Variants in GALM observed in about 807,000 individuals in gnomAD.
The protein encoded by GALM is aldose 1-epimerase.
In GALM, 43 loss-of-function variants were observed where a neutral mutation model predicts 37.4. The observed-to-expected ratio is 1.15, with a 90% CI of 0.90 to 1.48. GALM has a LOEUF of 1.48. Ranked by LOEUF, GALM falls within the 40% of genes most tolerant of loss-of-function variation. The pLI, the probability that GALM is intolerant of heterozygous loss-of-function variation, is 0.00. For synonymous variants in GALM, 199 were observed against 170.6 expected, an observed-to-expected ratio of 1.17 and a Z score of -1.30; for missense variants, 456 against 419.1, an observed-to-expected ratio of 1.09 and a Z score of -0.77.
chr2:38,684,887 G>A (rs12469534), intron 3 of GALM, among the ~76,000 whole-genome samples: 10,712 of 152,114 alleles, frequency 0.07, 564 homozygotes, highest in South Asian at 0.22. Context: ...GGGGGAATTC[G>A]AGATGAAAAG....
Position 38,729,558 on chromosome 2 carries a change from G to C in GALM, c.637G>C (p.Glu213Gln). 6.2e-7 allele frequency: 1 copy of C among 1,612,976 alleles called. No homozygotes were observed. The highest frequency in any genetic ancestry group is 8.5e-7 in the Non-Finnish European group (1 of 1,179,460). ...PVDETLIPTG[E>Q]VAPVQGTAFD... ...TGTTTTCTGTCTCTTCCCATCAGGA[G>C]AAGTTGCCCCAGTGCAAGGCACTGC... Residue 213 changes from glutamate (E) to glutamine (Q), a missense_variant and splice_region_variant, in exon 5 of 7, where the codon GAA becomes CAA. Glu to Gln is a conservative substitution (Grantham distance 29, BLOSUM62 2). Coordinates refer to ENST00000272252, the MANE Select transcript of GALM (RefSeq NM_138801.3).
chr2:38,667,696 G>C (rs1664983788), intron 1 of GALM, among the ~76,000 whole-genome samples: 1 of 151,908 alleles, frequency 6.6e-6, no homozygotes, highest in South Asian at 2.1e-4. Flanking sequence ...ATGTTGGCCA[G>C]GCTGCTGGCG....
At chr2:38,682,342 C>A in intron 3 of GALM, 1 of 420,964 alleles carries the variant, frequency 2.4e-6, no homozygotes, top group Non-Finnish European at 4.9e-6. Context: ...ATCTGAAGAA[C>A]TCATCATTGT....
At chr2:38,728,974 T>G (rs1192800367) in intron 4 of GALM, among the ~76,000 whole-genome samples, 4 of 152,230 alleles carry the variant, frequency 2.6e-5, no homozygotes, top group Non-Finnish European at 5.9e-5. Context: ...AGAACAACTC[T>G]GGCTTTTATG....
chr2:38,712,825 G>A (rs943555672), intron 4 of GALM, among the ~76,000 whole-genome samples: 8 of 152,150 alleles, frequency 5.3e-5, no homozygotes, highest in South Asian at 2.1e-4. Flanking sequence ...TATTTGGGGC[G>A]ATGTGCAAGC....
chr2:38,698,965 G>T (rs895509161), intron 4 of GALM, among the ~76,000 whole-genome samples: 1 of 151,576 alleles, frequency 6.6e-6, no homozygotes, highest in Admixed American at 6.6e-5. Context: ...CTAGGCTGGC[G>T]TGCAATGGCA....
intron 4 of GALM, among the ~76,000 whole-genome samples, chr2:38,703,093 T>G (rs1558588745): frequency 1.0e-3 from 7 of 6,704 alleles, no homozygotes; most frequent in African/African-American, 4.5e-3. Context: ...TATATATATA[T>G]TTTTTTTTTT....
At chr2:38,681,169 A>T (rs1055874127) in intron 2 of GALM, 111 bp from the exon 3 acceptor site, 9 of 895,734 alleles carry the variant, frequency 1.0e-5, no homozygotes, top group Non-Finnish European at 1.5e-5. Flanking sequence ...AAAAGTCTTA[A>T]TTGATTGTAT....
At chr2:38,695,297 CAAAAT>C (rs940115039) in intron 4 of GALM, among the ~76,000 whole-genome samples, 6 of 151,746 alleles carry the variant, frequency 4.0e-5, no homozygotes, top group African/African-American at 1.5e-4. Context: ...AGCCCAGTCT[CAAAAT>C]AAATAAATTA....
rs764696966 is a variant in GALM at position 38,729,633 on chromosome 2, C to CA, written c.713dup (p.His238GlnfsTer6). 3.1e-6 allele frequency: 5 copies of CA among 1,613,374 alleles called. No individual in the cohort carries two copies. Among genetic ancestry groups the CA allele is most frequent in the East Asian group, 2.2e-5 (1 of 44,850 alleles). The stretch of plus-strand genomic sequence containing the variant: ...GCTTGGAAAACACCTGCAGGACTTC[C>CA]ATCTCAATGGTTTTGACCACAATTT... On this transcript the variant is annotated frameshift_variant, in exon 5 of 7. Transcript: ENST00000272252. LOFTEE classifies it high-confidence loss of function.
chr2:38,732,783 G>A (rs564471757), intron 6 of GALM, among the ~76,000 whole-genome samples: 3 of 152,110 alleles, frequency 2.0e-5, no homozygotes, highest in East Asian at 3.9e-4. Flanking sequence ...AGCCAGGTGT[G>A]GTAGTGCACA....
At chr2:38,688,541 AT>A (rs1290351175) in intron 3 of GALM, among the ~76,000 whole-genome samples, 1 of 152,030 alleles carries the variant, frequency 6.6e-6, no homozygotes, top group Non-Finnish European at 1.5e-5. Context: ...AATGTCAAAT[AT>A]CCCCTGAGAG....
intron 1 of GALM, among the ~76,000 whole-genome samples, chr2:38,667,399 C>T (rs553893025): frequency 1.3e-5 from 2 of 151,778 alleles, no homozygotes; most frequent in East Asian, 3.9e-4. Flanking sequence ...GAAACCCTGT[C>T]TCTACTAAAA....
At chr2:38,725,539 A>AAC (rs952234687) in intron 4 of GALM, among the ~76,000 whole-genome samples, 1 of 131,318 alleles carries the variant, frequency 7.6e-6, no homozygotes, top group African/African-American at 3.0e-5. Flanking sequence ...CTCGCTCTTA[A>AAC]ACACACACAT....
intron 5 of GALM, 52 bp downstream of exon 5, chr2:38,729,749 C>T: frequency 6.7e-7 from 1 of 1,501,682 alleles, no homozygotes; most frequent in Non-Finnish European, 9.2e-7. Context: ...ACACCAAGTC[C>T]TATTTTCCTT....
intron 4 of GALM, among the ~76,000 whole-genome samples, chr2:38,700,622 A>T (rs1190335855): frequency 6.6e-6 from 1 of 152,052 alleles, no homozygotes; most frequent in African/African-American, 2.4e-5. Flanking sequence ...GTCGTTACAG[A>T]TGAAGTGAGT....
intron 2 of GALM, chr2:38,679,939 T>C (rs1019888154): frequency 2.1e-5 from 9 of 420,420 alleles, no homozygotes; most frequent in African/African-American, 1.8e-4. Context: ...TTGGAGCCTC[T>C]AGGACAAAGT....
intron 5 of GALM, 104 bp downstream of exon 5, chr2:38,729,801 T>A: frequency 1.0e-6 from 1 of 964,054 alleles, no homozygotes; most frequent in Non-Finnish European, 1.6e-6. Context: ...TTTACTATGC[T>A]ACAAGTGACC....
At chr2:38,700,416 G>A (rs1572528573) in intron 4 of GALM, among the ~76,000 whole-genome samples, 1 of 152,116 alleles carries the variant, frequency 6.6e-6, no homozygotes. Context: ...GCGCTCCAGT[G>A]TTGGGTGCAT....
Sources: allele counts gnomAD v4.1 joint callset (sites outside exome capture counted in the v4.1 genomes callset), GRCh38; gene constraint gnomAD v4.1.1; transcripts MANE v1.5; gene names NCBI Gene and HGNC (gene_info 2026-07-23, HGNC 2026-07-21).